Variants in CNTN4 observed in about 807,000 individuals in gnomAD.
CNTN4 encodes the protein contactin-4.
A neutral mutation model predicts 122.5 loss-of-function variants in CNTN4; 77 were observed. The ratio of observed to expected loss-of-function variants is 0.63; its 90% CI spans 0.52 to 0.76. CNTN4 has a LOEUF of 0.76. Ranked by LOEUF, CNTN4 falls within the 30% of genes least tolerant of loss-of-function variation. The pLI is 0.00. For synonymous variants in CNTN4, 512 were observed against 447.0 expected, an observed-to-expected ratio of 1.15 and a Z score of -1.83; for missense variants, 1,256 against 1,259.1, an observed-to-expected ratio of 1.00 and a Z score of 0.04.
intron 4 of CNTN4, among the ~76,000 whole-genome samples, chr3:2,707,921 A>G (rs566069505): frequency 6.6e-6 from 1 of 152,348 alleles, no homozygotes; most frequent in African/African-American, 2.4e-5. Context: ...AGCTAATGAA[A>G]TGAGTCTGAA....
At position 2,841,104 on chromosome 3, in the gene CNTN4, A is replaced by T. The variant is rs2150512798; in HGVS notation, c.454+21523A>T. ...ATACATGACTGATACCAATCTCATC[A>T]TTGGACTAGATTTCTCAGTGAAGAT... On this transcript the variant is annotated intron_variant, in intron 7 of 24. Coordinates refer to ENST00000418658, the MANE Select transcript of CNTN4 (RefSeq NM_175607.3). This position sits in a 1 kb window ranked among gnomAD's most constrained non-coding sequence, Gnocchi z 4.8. Among the ~76,000 whole-genome samples, 1 of 152,332 alleles carries T rather than the reference A, an allele frequency of 6.6e-6. No individual in the cohort carries two copies. Among genetic ancestry groups the T allele is most frequent in the Non-Finnish European group, 1.5e-5 (1 of 68,020 alleles).
intron 4 of CNTN4, among the ~76,000 whole-genome samples, chr3:2,685,017 A>C (rs2085358659): frequency 6.6e-6 from 1 of 152,192 alleles, no homozygotes; most frequent in Admixed American, 6.5e-5. Context: ...TGAAAACTAC[A>C]TTTACTTAGC....
intron 6 of CNTN4, among the ~76,000 whole-genome samples, chr3:2,791,697 T>G (rs2092017713): frequency 6.6e-6 from 1 of 152,178 alleles, no homozygotes; most frequent in South Asian, 2.1e-4. Flanking sequence ...AGAAATGTGT[T>G]CTTTTACGGT....
At position 3,037,295 on chromosome 3, in the gene CNTN4, C is replaced by G; in HGVS notation, c.2059C>G (p.Arg687Gly). The G allele has an allele frequency of 6.2e-7, 1 of 1,614,160 alleles. No homozygotes were observed. Among genetic ancestry groups the G allele is most frequent in the Non-Finnish European group, 8.5e-7 (1 of 1,180,034 alleles). The change falls in exon 18 of 25, where the codon CGC becomes GGC. Residue 687 changes from arginine (R) to glycine (G), a missense_variant. Transcript: ENST00000418658. ...CGTGATTGGGATTGGGGAGCCCAGCCGCCCCTCAGAGAAACGGAGAACAGA... is the reference window on the plus strand; with the variant it reads ...CGTGATTGGGATTGGGGAGCCCAGCGGCCCCTCAGAGAAACGGAGAACAGA... The part of the protein sequence containing the change: ...ANVIGIGEPS[R>G]PSEKRRTEEA...
At chr3:2,873,090 TA>T (rs1158359670) in intron 8 of CNTN4, among the ~76,000 whole-genome samples, 1 of 152,318 alleles carries the variant, frequency 6.6e-6, no homozygotes, top group African/African-American at 2.4e-5. Flanking sequence ...TGTCCAGGAC[TA>T]AAGTCAAGAG....
intron 2 of CNTN4, among the ~76,000 whole-genome samples, chr3:2,177,984 C>T (rs2036831944): frequency 6.6e-6 from 1 of 151,954 alleles, no homozygotes; most frequent in African/African-American, 2.4e-5. Flanking sequence ...GTCCTTATTC[C>T]ATATTCCTAA....
At chr3:2,196,804 G>C (rs1310044698) in intron 2 of CNTN4, among the ~76,000 whole-genome samples, 1 of 151,992 alleles carries the variant, frequency 6.6e-6, no homozygotes, top group Non-Finnish European at 1.5e-5. Flanking sequence ...CAGCACTTTG[G>C]AAGGCCGAGG....
chr3:2,524,207 G>A (rs572749145), intron 3 of CNTN4, among the ~76,000 whole-genome samples: 7 of 151,990 alleles, frequency 4.6e-5, no homozygotes, highest in African/African-American at 9.7e-5. Flanking sequence ...GCCTCGTCTG[G>A]ATGTTTTATA....
intron 1 of CNTN4, among the ~76,000 whole-genome samples, chr3:2,100,289 C>T (rs1437572972): frequency 2.0e-5 from 3 of 152,204 alleles, no homozygotes; most frequent in African/African-American, 7.2e-5. Flanking sequence ...TGGCATTTAA[C>T]TGCATGGGAA....
intron 4 of CNTN4, among the ~76,000 whole-genome samples, chr3:2,685,119 G>A (rs2600287): frequency 0.85 from 128,834 of 152,184 alleles, 54,899 homozygotes; most frequent in African/African-American, 0.94. Flanking sequence ...TTTTCCTTGT[G>A]TCTACATTAG....
intron 4 of CNTN4, among the ~76,000 whole-genome samples, chr3:2,601,154 C>T (rs1316837364): frequency 6.6e-6 from 1 of 152,098 alleles, no homozygotes; most frequent in Non-Finnish European, 1.5e-5. Context: ...TGTAGGTTGC[C>T]TGTTCACTCT....
At chr3:3,045,350 C>G (rs1700537237) in intron 23 of CNTN4, among the ~76,000 whole-genome samples, 1 of 152,212 alleles carries the variant, frequency 6.6e-6, no homozygotes, top group Non-Finnish European at 1.5e-5. Context: ...TTCCCTGACC[C>G]CCGAGTAGCC....
intron 5 of CNTN4, among the ~76,000 whole-genome samples, chr3:2,743,106 C>A (rs1374947165): frequency 1.3e-5 from 2 of 152,156 alleles, no homozygotes; most frequent in Non-Finnish European, 2.9e-5. Flanking sequence ...CCCACAACCA[C>A]TTTTCTAAAA....
intron 2 of CNTN4, among the ~76,000 whole-genome samples, chr3:2,184,417 A>G (rs2037155648): frequency 6.6e-6 from 1 of 152,252 alleles, no homozygotes; most frequent in Middle Eastern, 3.4e-3. Flanking sequence ...CTTGAAACCT[A>G]GACACTTGTT....
At chr3:2,619,154 T>C (rs1392652881) in intron 4 of CNTN4, among the ~76,000 whole-genome samples, 1 of 152,210 alleles carries the variant, frequency 6.6e-6, no homozygotes, top group Non-Finnish European at 1.5e-5. Flanking sequence ...GTCTTCAGCA[T>C]CCTTTAGGCT....
At chr3:2,734,031 C>G (rs2088894132) in intron 4 of CNTN4, among the ~76,000 whole-genome samples, 1 of 151,982 alleles carries the variant, frequency 6.6e-6, no homozygotes, top group Non-Finnish European at 1.5e-5. Flanking sequence ...GGAAAATATT[C>G]CTGGCTGTTT....
chr3:2,678,777 C>T (rs2600281), intron 4 of CNTN4, among the ~76,000 whole-genome samples: 9,116 of 152,202 alleles, frequency 0.06, 323 homozygotes, highest in African/African-American at 0.096. Context: ...ATGCCAATGA[C>T]AGGAAAAGAG....
chr3:2,331,091 C>A (rs1266545272), intron 2 of CNTN4, among the ~76,000 whole-genome samples: 1 of 152,038 alleles, frequency 6.6e-6, no homozygotes, highest in South Asian at 2.1e-4. Context: ...TCTGGTTCTG[C>A]AGATTGCCAG....
chr3:2,222,666 C>G (rs1045445560), intron 2 of CNTN4, among the ~76,000 whole-genome samples: 2 of 151,762 alleles, frequency 1.3e-5, no homozygotes, highest in South Asian at 4.2e-4. Flanking sequence ...CCCCACACCC[C>G]CAACACACAC....
Sources: allele counts gnomAD v4.1 joint callset (sites outside exome capture counted in the v4.1 genomes callset), GRCh38; gene constraint gnomAD v4.1.1; non-coding constraint Gnocchi (gnomAD v3.1); transcripts MANE v1.5; gene names NCBI Gene and HGNC (gene_info 2026-07-23, HGNC 2026-07-21).